Variants in SAXO1 observed in about 807,000 individuals in gnomAD.
The protein encoded by SAXO1 is 4930500O09Rik.
A neutral mutation model predicts 17.5 loss-of-function variants in SAXO1; 21 were observed. The observed-to-expected ratio is 1.20, with a 90% CI of 0.85 to 1.72. The LOEUF is 1.72. Ranked by LOEUF, SAXO1 falls within the 40% of genes most tolerant of loss-of-function variation. The pLI, the probability that SAXO1 is intolerant of heterozygous loss-of-function variation, is 0.00. For missense variants in SAXO1, 843 were observed against 596.0 expected (o/e 1.41, Z -4.32); for synonymous variants, 274 against 216.5 (o/e 1.27, Z -2.33).
chr9:19,027,963 G>A, intron 1 of SAXO1: 2 of 1,499,680 alleles, frequency 1.3e-6, no homozygotes, highest in South Asian at 1.1e-5. Context: ...CTGCGAGGGA[G>A]CTGACCCGCT....
intron 3 of SAXO1, among the ~76,000 whole-genome samples, chr9:18,932,597 A>G (rs1189835005): frequency 6.6e-6 from 1 of 152,200 alleles, no homozygotes; most frequent in African/African-American, 2.4e-5. Context: ...TTTGATAGGA[A>G]TTGCATTGAA....
chr9:18,947,334 C>G (rs1388570351), intron 2 of SAXO1, among the ~76,000 whole-genome samples: 1 of 152,214 alleles, frequency 6.6e-6, no homozygotes, highest in African/African-American at 2.4e-5. Context: ...CCCTTTCTCT[C>G]TTAGCTCTTC....
chr9:19,029,669 G>C (rs1270484435), intron 1 of SAXO1, among the ~76,000 whole-genome samples: 1 of 152,174 alleles, frequency 6.6e-6, no homozygotes, highest in Non-Finnish European at 1.5e-5. Flanking sequence ...CGCAGTGATG[G>C]AAACACTCCC....
chr9:18,940,477 C>T (rs1831506566), intron 3 of SAXO1, among the ~76,000 whole-genome samples: 1 of 152,186 alleles, frequency 6.6e-6, no homozygotes, highest in Non-Finnish European at 1.5e-5. Flanking sequence ...GCACAGGGTC[C>T]TCCAGGATGA....
intron 1 of SAXO1, among the ~76,000 whole-genome samples, chr9:18,990,256 T>C (rs778652971): frequency 6.7e-6 from 1 of 149,664 alleles, no homozygotes; most frequent in Non-Finnish European, 1.5e-5. Context: ...AGCAAGAAAA[T>C]CAAGATATTC....
At chr9:18,999,836 G>A (rs1210735616) in intron 1 of SAXO1, among the ~76,000 whole-genome samples, 41 of 131,600 alleles carry the variant, frequency 3.1e-4, no homozygotes, top group South Asian at 2.9e-3. Context: ...AGTGAGGAGC[G>A]CCTCTGCCCA....
At chr9:18,990,752 A>T (rs2131841161) in intron 1 of SAXO1, among the ~76,000 whole-genome samples, 1 of 152,324 alleles carries the variant, frequency 6.6e-6, no homozygotes, top group Non-Finnish European at 1.5e-5. Flanking sequence ...GCAGCATCAT[A>T]GGAGTGCAAA....
chr9:19,037,406 A>T (rs1216570132), upstream of SAXO1, among the ~76,000 whole-genome samples: 1 of 151,482 alleles, frequency 6.6e-6, no homozygotes, highest in African/African-American at 2.4e-5. Flanking sequence ...CTTAAATTGT[A>T]CTCCCATAAT....
At chr9:18,945,547 G>A (rs909685655) in intron 2 of SAXO1, among the ~76,000 whole-genome samples, 2 of 152,186 alleles carry the variant, frequency 1.3e-5, no homozygotes, top group African/African-American at 2.4e-5. Flanking sequence ...CCATTGTGCT[G>A]CAAAAGATCC....
At chr9:18,987,847 A>G (rs188381624) in intron 1 of SAXO1, among the ~76,000 whole-genome samples, 2 of 151,974 alleles carry the variant, frequency 1.3e-5, no homozygotes, top group Admixed American at 6.6e-5. Context: ...CAGTGAGCAG[A>G]GATGGCACCA....
chr9:18,965,587 T>C (rs1207708056), intron 1 of SAXO1, among the ~76,000 whole-genome samples: 1 of 152,142 alleles, frequency 6.6e-6, no homozygotes, highest in African/African-American at 2.4e-5. Context: ...TTTTTTTCTT[T>C]CCATTTGCTT....
At chr9:18,948,041 G>T (rs1831867902) in intron 2 of SAXO1, among the ~76,000 whole-genome samples, 1 of 152,220 alleles carries the variant, frequency 6.6e-6, no homozygotes, top group South Asian at 2.1e-4. Context: ...TGGGTGGGAT[G>T]TTCCAGTAAT....
chr9:18,956,221 G>C (rs1832254727), intron 1 of SAXO1, among the ~76,000 whole-genome samples: 1 of 151,584 alleles, frequency 6.6e-6, no homozygotes, highest in Non-Finnish European at 1.5e-5. Context: ...GAAGTGCTGG[G>C]ATTACAGGTA....
At chr9:19,029,623 T>C (rs1835667558) in intron 1 of SAXO1, among the ~76,000 whole-genome samples, 1 of 152,108 alleles carries the variant, frequency 6.6e-6, no homozygotes, top group Non-Finnish European at 1.5e-5. Flanking sequence ...TTCCAAATAA[T>C]GAGACTCAAG....
intron 1 of SAXO1, among the ~76,000 whole-genome samples, chr9:19,019,895 T>A (rs1247163864): frequency 6.6e-6 from 1 of 152,158 alleles, no homozygotes; most frequent in Non-Finnish European, 1.5e-5. Context: ...AGCCCTCTTC[T>A]GTAAACTACA....
intron 1 of SAXO1, among the ~76,000 whole-genome samples, chr9:18,956,546 T>G (rs2039011): frequency 0.84 from 127,428 of 152,102 alleles, 53,540 homozygotes; most frequent in Middle Eastern, 0.87. Flanking sequence ...GAGGCAGGGT[T>G]CATAGTGGAA....
chr9:18,999,018 C>G (rs1834133420), intron 1 of SAXO1, among the ~76,000 whole-genome samples: 1 of 152,180 alleles, frequency 6.6e-6, no homozygotes, highest in South Asian at 2.1e-4. Flanking sequence ...ATGGTAAAGA[C>G]CACTGATGCT....
intron 1 of SAXO1, among the ~76,000 whole-genome samples, chr9:19,005,521 A>G (rs1017607716): frequency 1.1e-4 from 17 of 152,228 alleles, no homozygotes; most frequent in Admixed American, 9.2e-4. Context: ...AGACTATTCA[A>G]TGTGGGAAGG....
chr9:18,996,079 CA>C (rs61569381), intron 1 of SAXO1, among the ~76,000 whole-genome samples: 23 of 140,054 alleles, frequency 1.6e-4, no homozygotes, highest in East Asian at 1.0e-3. Context: ...AACTACATCT[CA>C]AAAAAAAAAA....
Sources: allele counts gnomAD v4.1 joint callset (sites outside exome capture counted in the v4.1 genomes callset), GRCh38; gene constraint gnomAD v4.1.1; transcripts MANE v1.5; gene names NCBI Gene and HGNC (gene_info 2026-07-23, HGNC 2026-07-21).